Variants in RBMS3 observed in about 807,000 individuals in gnomAD.
The protein encoded by RBMS3 is RNA-binding motif, single-stranded-interacting protein 3.
A neutral mutation model predicts 66.8 loss-of-function variants in RBMS3; 27 were observed. The ratio of observed to expected loss-of-function variants is 0.40; its 90% CI spans 0.30 to 0.56. The LOEUF (loss-of-function observed/expected upper bound fraction) is 0.56, where lower values mean the gene tolerates loss of function less well. Ranked by LOEUF, RBMS3 falls within the 20% of genes least tolerant of loss-of-function variation. RBMS3 has a pLI of 0.40. For missense variants in RBMS3, 513 were observed against 549.5 expected, an observed-to-expected ratio of 0.93 and a Z score of 0.66; for synonymous variants, 188 against 183.0, an observed-to-expected ratio of 1.03 and a Z score of -0.22.
intron 4 of RBMS3, among the ~76,000 whole-genome samples, chr3:29,683,616 C>A (rs144425219): frequency 6.6e-6 from 1 of 152,068 alleles, no homozygotes; most frequent in Non-Finnish European, 1.5e-5. Context: ...AAACACACCA[C>A]CTCCTTGAAG....
chr3:29,944,170 T>C (rs1454685488), intron 11 of RBMS3, 37 bp from the exon 12 acceptor site: 2 of 1,532,444 alleles, frequency 1.3e-6, no homozygotes, highest in East Asian at 2.3e-5. Flanking sequence ...TCTTTTGTAC[T>C]TCATTGCATT....
intron 10 of RBMS3, among the ~76,000 whole-genome samples, chr3:29,929,702 C>T (rs987515905): frequency 6.6e-6 from 1 of 152,040 alleles, no homozygotes; most frequent in Non-Finnish European, 1.5e-5. Flanking sequence ...AATAGATATT[C>T]TGTTATTGGG....
At chr3:29,909,255 C>A (rs956931134) in intron 10 of RBMS3, among the ~76,000 whole-genome samples, 1 of 152,038 alleles carries the variant, frequency 6.6e-6, no homozygotes, top group African/African-American at 2.4e-5. Flanking sequence ...GCTTGACAAT[C>A]CCAGTACTAT....
intron 3 of RBMS3, among the ~76,000 whole-genome samples, chr3:29,585,009 T>C (rs2047462399): frequency 1.3e-5 from 2 of 152,176 alleles, no homozygotes; most frequent in Admixed American, 1.3e-4. Context: ...AGATCTGCAA[T>C]TTTGTAATTA....
At chr3:29,990,994 C>CAAAT (rs1698828040) in intron 13 of RBMS3, 88 bp from the exon 14 acceptor site, 1 of 1,334,818 alleles carries the variant, frequency 7.5e-7, no homozygotes, top group East Asian at 2.3e-5. Context: ...CTACTTAAGC[C>CAAAT]AAATAGAAGA....
At chr3:30,001,770 CTTTTT>C (rs914577352) in intron 14 of RBMS3, among the ~76,000 whole-genome samples, 4 of 150,090 alleles carry the variant, frequency 2.7e-5, no homozygotes, top group African/African-American at 9.8e-5. Context: ...CAAGTTATTT[CTTTTT>C]ATTTTATTTC....
rs77669013 is a variant in RBMS3 at position 29,798,159 on chromosome 3, A to G, written c.637+35170A>G. Reference sequence around the variant, plus strand: ...ACAATAGTAACATCAAAGAATATAGATCATAGATTACCATCACAGATAAAA... The same window carrying G: ...ACAATAGTAACATCAAAGAATATAGGTCATAGATTACCATCACAGATAAAA... On this transcript the variant is annotated intron_variant, in intron 6 of 14. Coordinates refer to ENST00000383767, the MANE Select transcript of RBMS3 (RefSeq NM_001003793.3). Among the ~76,000 whole-genome samples, 81 of 151,244 alleles carry G rather than the reference A, an allele frequency of 5.4e-4. No individual in the cohort carries two copies. In the East Asian group the frequency reaches 9.6e-3, roughly 18 times the overall value.
At chr3:29,609,215 A>G (rs921325762) in intron 4 of RBMS3, among the ~76,000 whole-genome samples, 1 of 152,038 alleles carries the variant, frequency 6.6e-6, no homozygotes, top group African/African-American at 2.4e-5. Flanking sequence ...CTTCTGAGAC[A>G]GGTTAACGAA....
chr3:29,741,465 T>C (rs2054643706), intron 5 of RBMS3, among the ~76,000 whole-genome samples: 1 of 152,226 alleles, frequency 6.6e-6, no homozygotes, highest in Non-Finnish European at 1.5e-5. Context: ...GAACCAACTG[T>C]CATGTTTTAC....
chr3:29,953,130 A>G (rs922771895), intron 12 of RBMS3, among the ~76,000 whole-genome samples: 4 of 151,950 alleles, frequency 2.6e-5, no homozygotes, highest in African/African-American at 9.7e-5. Context: ...GAGCTTGTGC[A>G]ATATGACTTT....
chr3:29,857,854 T>A (rs1186095221), intron 6 of RBMS3, among the ~76,000 whole-genome samples: 4 of 152,068 alleles, frequency 2.6e-5, no homozygotes, highest in Non-Finnish European at 5.9e-5. Context: ...GAGAGGAACA[T>A]GGGAATGCAT....
intron 4 of RBMS3, among the ~76,000 whole-genome samples, chr3:29,653,281 A>G (rs1035968635): frequency 1.3e-5 from 2 of 152,148 alleles, no homozygotes; most frequent in Admixed American, 6.6e-5. Flanking sequence ...GGATTAGTAT[A>G]CTTATATTGC....
intron 1 of RBMS3, among the ~76,000 whole-genome samples, chr3:29,353,329 T>C (rs1339766270): frequency 6.6e-6 from 1 of 152,038 alleles, no homozygotes; most frequent in Non-Finnish European, 1.5e-5. Context: ...TTTGTGTGTA[T>C]TGGTACAAAT....
chr3:29,721,016 A>G (rs2053620874), intron 4 of RBMS3, among the ~76,000 whole-genome samples: 1 of 152,186 alleles, frequency 6.6e-6, no homozygotes, highest in Admixed American at 6.6e-5. Flanking sequence ...CATGTGGCAC[A>G]AAGTATACAG....
chr3:29,555,642 C>A (rs1233681679), intron 3 of RBMS3, among the ~76,000 whole-genome samples: 1 of 152,086 alleles, frequency 6.6e-6, no homozygotes, highest in Non-Finnish European at 1.5e-5. Context: ...GAATGTTTAT[C>A]CAGTAGCAAA....
rs2061291712 is a variant in RBMS3 at position 29,937,312 on chromosome 3, A to T, written c.1050+1116A>T. Among the ~76,000 whole-genome samples, 3 of 151,962 alleles carry T rather than the reference A, an allele frequency of 2.0e-5. No homozygotes were observed. In the South Asian group the frequency reaches 6.2e-4, roughly 31 times the overall value. On this transcript the variant is annotated intron_variant, in intron 11 of 14. Transcript: ENST00000383767. ...ATGTCTTACAGTTACCACCTCTGTG[A>T]TTCTTCAATTATGCTGACTCATTCT...
intron 1 of RBMS3, among the ~76,000 whole-genome samples, chr3:29,322,106 T>C (rs2035042901): frequency 6.6e-6 from 1 of 152,092 alleles, no homozygotes; most frequent in African/African-American, 2.4e-5. Flanking sequence ...GCTCCATCTA[T>C]GAAGGGCTCT....
intron 4 of RBMS3, among the ~76,000 whole-genome samples, chr3:29,588,604 A>T (rs926680176): frequency 1.3e-5 from 2 of 152,090 alleles, no homozygotes; most frequent in Admixed American, 6.6e-5. Flanking sequence ...ATTGTCCTTT[A>T]TGACACATGA....
chr3:29,296,968 T>G (rs2033316683), intron 1 of RBMS3, among the ~76,000 whole-genome samples: 1 of 151,638 alleles, frequency 6.6e-6, no homozygotes, highest in African/African-American at 2.4e-5. Flanking sequence ...TAAAAATCAT[T>G]AATATATATT....
Sources: allele counts gnomAD v4.1 joint callset (sites outside exome capture counted in the v4.1 genomes callset), GRCh38; gene constraint gnomAD v4.1.1; transcripts MANE v1.5; gene names NCBI Gene and HGNC (gene_info 2026-07-23, HGNC 2026-07-21).